The following USP43 variants were observed in gnomAD, a reference collection of about 807,000 sequenced individuals.
The protein encoded by USP43 is ubiquitin carboxyl-terminal hydrolase 43.
A neutral mutation model predicts 90.7 loss-of-function variants in USP43; 33 were observed. The observed-to-expected ratio is 0.36, with a 90% CI of 0.28 to 0.49. The LOEUF (loss-of-function observed/expected upper bound fraction) is 0.49, where lower values mean the gene tolerates loss of function less well. Ranked by LOEUF, USP43 falls within the 20% of genes least tolerant of loss-of-function variation. The pLI, the probability that USP43 is intolerant of heterozygous loss-of-function variation, is 0.98. For synonymous variants in USP43, 598 were observed against 615.8 expected, an observed-to-expected ratio of 0.97 and a Z score of 0.43; for missense variants, 1,274 against 1,476.4, an observed-to-expected ratio of 0.86 and a Z score of 2.25.
intron 12 of USP43, among the ~76,000 whole-genome samples, chr17:9,708,610 T>C (rs1916016511): frequency 6.6e-6 from 1 of 152,106 alleles, no homozygotes; most frequent in Admixed American, 6.6e-5. Context: ...CCGGATCCAA[T>C]CTAGGGCCTG....
chr17:9,716,194 T>A (rs1916561159), intron 14 of USP43, among the ~76,000 whole-genome samples: 1 of 152,158 alleles, frequency 6.6e-6, no homozygotes, highest in Non-Finnish European at 1.5e-5. Context: ...TTTTAGTTCC[T>A]TATTTCTTGT....
Position 9,701,742 on chromosome 17 carries a change from C to T in USP43, c.2011+42C>T. On this transcript the variant is annotated intron_variant, in intron 12 of 14. Transcript: ENST00000285199. The surrounding 1 kb of genome is among the most constrained non-coding windows in gnomAD (Gnocchi z 7.2). ...CTTTCTGCAAATGCAGCTGTGGCCA[C>T]AGCCTCGAGATGTCCCTGGAATGGG... 3 of 1,470,686 alleles carry T rather than the reference C, an allele frequency of 2.0e-6. No individual in the cohort carries two copies. The highest frequency in any genetic ancestry group is 2.7e-6 in the Non-Finnish European group (3 of 1,098,288). 91.1% of individuals were successfully genotyped at this position (1,470,686 alleles called of 1,614,324 possible). A position where few individuals can be genotyped will look rare whatever the true frequency, so the allele number is the denominator to read the frequency against.
chr17:9,701,192 C>A lies in USP43; in HGVS notation c.1609C>A (p.Gln537Lys). 6.4e-7 allele frequency: 1 copy of A among 1,573,624 alleles called. No individual in the cohort carries two copies. The highest frequency in any genetic ancestry group is 8.6e-7 in the Non-Finnish European group (1 of 1,158,516). Reference protein sequence around the residue: ...SVWQQQQAHQQHSCTLDECFQ... With the variant: ...SVWQQQQAHQKHSCTLDECFQ... ...GTGGCAGCAGCAGCAGGCGCATCAG[C>A]AGCACAGCTGTACCTTGGATGAATG... is the stretch of plus-strand genomic sequence containing the variant. Residue 537 changes from glutamine (Q) to lysine (K), a missense_variant, in exon 11 of 15, where the codon CAG (glutamine) becomes AAG (lysine). Gln to Lys is a moderately conservative substitution (Grantham distance 53, BLOSUM62 1). Coordinates refer to ENST00000285199, the MANE Select transcript of USP43 (RefSeq NM_153210.5). The surrounding 1 kb of genome is among the most constrained non-coding windows in gnomAD (Gnocchi z 7.2).
intron 12 of USP43, among the ~76,000 whole-genome samples, chr17:9,704,065 T>G (rs1014534367): frequency 3.9e-5 from 6 of 152,074 alleles, no homozygotes; most frequent in Non-Finnish European, 7.4e-5. Context: ...TGGAATGGGG[T>G]CTGGAGTAGG....
At chr17:9,652,746 C>G (rs935959600) in intron 1 of USP43, among the ~76,000 whole-genome samples, 3 of 152,048 alleles carry the variant, frequency 2.0e-5, no homozygotes, top group African/African-American at 7.2e-5. Context: ...CTGCCAAATA[C>G]TTTATAACTG....
intron 7 of USP43, among the ~76,000 whole-genome samples, 192 bp downstream of exon 7, chr17:9,683,150 C>T (rs920958591): frequency 5.9e-5 from 9 of 152,188 alleles, no homozygotes; most frequent in Non-Finnish European, 1.2e-4. Flanking sequence ...CATTCCTAAC[C>T]ATCAGACATC....
intron 14 of USP43, among the ~76,000 whole-genome samples, chr17:9,725,829 A>T (rs1020521667): frequency 2.0e-5 from 3 of 152,174 alleles, no homozygotes; most frequent in Admixed American, 6.5e-5. Context: ...TGAAAGGCTA[A>T]AAGTCACAGC....
At chr17:9,707,564 G>A (rs939228117) in intron 12 of USP43, among the ~76,000 whole-genome samples, 1 of 149,234 alleles carries the variant, frequency 6.7e-6, no homozygotes, top group Non-Finnish European at 1.5e-5. Flanking sequence ...GGAGAATGGC[G>A]TGAACCCGGG....
chr17:9,656,890 C>T (rs532432595), intron 2 of USP43, among the ~76,000 whole-genome samples: 2 of 152,328 alleles, frequency 1.3e-5, no homozygotes, highest in East Asian at 3.9e-4. Flanking sequence ...ACCATTTGAA[C>T]TCTACCATTG....
chr17:9,668,526 T>G (rs1019189396), intron 3 of USP43, among the ~76,000 whole-genome samples: 3 of 152,254 alleles, frequency 2.0e-5, no homozygotes, highest in Non-Finnish European at 4.4e-5. Flanking sequence ...TGCTTTCCAC[T>G]GGTGAAGAAA....
intron 6 of USP43, among the ~76,000 whole-genome samples, chr17:9,681,459 A>ATTTT (rs1414113457): frequency 4.8e-5 from 1 of 20,754 alleles, no homozygotes; most frequent in African/African-American, 4.1e-4. Flanking sequence ...TATATAAAAT[A>ATTTT]TATTATATAT....
chr17:9,666,457 A>G (rs574314101), intron 2 of USP43, among the ~76,000 whole-genome samples, 191 bp from the exon 3 acceptor site: 6 of 152,152 alleles, frequency 3.9e-5, no homozygotes, highest in Admixed American at 1.3e-4. Flanking sequence ...TTCTTGTCCC[A>G]GAGAATTTGG....
In USP43 at chr17:9,686,042, G is replaced by C. The variant is rs1567663915; in HGVS notation, c.1242-756G>C. ...ATTAACTTTTTTAGATTCCACATGA[G>C]GGAGTACATGCAGTATTTATCTTTC... On this transcript the variant is annotated intron_variant, in intron 7 of 14. Transcript: ENST00000285199. This position sits in a 1 kb window ranked among gnomAD's most constrained non-coding sequence, Gnocchi z 5.5. Among the ~76,000 whole-genome samples the C allele has an allele frequency of 1.3e-5, 2 of 152,080 alleles. No individual in the cohort carries two copies. The highest frequency in any genetic ancestry group is 1.3e-4 in the Admixed American group (2 of 15,266).
chr17:9,705,055 A>G (rs1270842028), intron 12 of USP43, among the ~76,000 whole-genome samples: 1 of 152,150 alleles, frequency 6.6e-6, no homozygotes, highest in Non-Finnish European at 1.5e-5. Flanking sequence ...CACACGGCCT[A>G]AAAAAGATGG....
Position 9,674,987 on chromosome 17 carries a change from C to T in USP43, c.833+4C>T, listed in dbSNP as rs760006301. 4 of 1,613,166 alleles carry T rather than the reference C, an allele frequency of 2.5e-6. No individual in the cohort carries two copies. Among genetic ancestry groups the T allele is most frequent in the South Asian group, 2.2e-5 (2 of 91,058 alleles). ...CTATCCCCTTGCGCCAGACGAGGTACGTGAGTGTCGCGGCTTGCCCGGTGA... is the reference window on the plus strand; with the variant it reads ...CTATCCCCTTGCGCCAGACGAGGTATGTGAGTGTCGCGGCTTGCCCGGTGA... On this transcript the variant is annotated splice_donor_region_variant and intron_variant, in intron 4 of 14. Transcript: ENST00000285199. The surrounding 1 kb of genome is among the most constrained non-coding windows in gnomAD (Gnocchi z 4.4).
chr17:9,652,921 A>G (rs1393879965), intron 1 of USP43, among the ~76,000 whole-genome samples: 4 of 152,200 alleles, frequency 2.6e-5, no homozygotes, highest in Non-Finnish European at 5.9e-5. Context: ...TACATAAAAC[A>G]ATCTCAAATA....
chr17:9,708,571 G>A (rs2151993323), intron 12 of USP43, among the ~76,000 whole-genome samples: 1 of 152,340 alleles, frequency 6.6e-6, no homozygotes, highest in African/African-American at 2.4e-5. Flanking sequence ...TTGGATTAGT[G>A]TGGAGGTCAG....
chr17:9,671,167 A>G (rs1002222017), intron 3 of USP43, among the ~76,000 whole-genome samples: 7 of 152,226 alleles, frequency 4.6e-5, no homozygotes, highest in Admixed American at 1.3e-4. Context: ...AAGATCCTGG[A>G]CTATAGCAAA....
chr17:9,712,490 G>A (rs774715368), intron 14 of USP43, among the ~76,000 whole-genome samples: 3 of 152,306 alleles, frequency 2.0e-5, no homozygotes, highest in Non-Finnish European at 2.9e-5. Flanking sequence ...GAGATAGGAC[G>A]GGCGGGTAAC....
Sources: gnomAD v4.1 joint callset for allele counts (sites outside exome capture counted in the v4.1 genomes callset) on GRCh38, gnomAD v4.1.1 for gene constraint, Gnocchi (gnomAD v3.1) non-coding constraint, MANE v1.5 for transcripts, NCBI Gene and HGNC (gene_info 2026-07-23, HGNC 2026-07-21) for gene names.